GPC5: variants seen among roughly 807,000 people sequenced by gnomAD.
The protein encoded by GPC5 is glypican-5.
In GPC5, 47 loss-of-function variants were observed where a neutral mutation model predicts 53.9. The ratio of observed to expected loss-of-function variants is 0.87; its 90% confidence interval spans 0.69 to 1.11. The LOEUF (loss-of-function observed/expected upper bound fraction) is 1.11. Among genes scored for constraint, GPC5 ranks in the 50% most tolerant of loss-of-function variants. GPC5 has a pLI of 0.00. For missense variants in GPC5, 748 were observed against 713.1 expected, an observed-to-expected ratio of 1.05 and a Z score of -0.56; for synonymous variants, 286 against 263.3, an observed-to-expected ratio of 1.09 and a Z score of -0.84.
At chr13:91,429,695 A>C (rs1385408873) in intron 1 of GPC5, among the ~76,000 whole-genome samples, 1 of 152,244 alleles carries the variant, frequency 6.6e-6, no homozygotes, top group Non-Finnish European at 1.5e-5. Flanking sequence ...GGTGTGAGAC[A>C]GAGAAAAGGT....
chr13:91,728,769 CA>C (rs536559850), intron 4 of GPC5, 104 bp downstream of exon 4: 56,646 of 695,288 alleles, frequency 0.081, 23 homozygotes, highest in East Asian at 0.11. Flanking sequence ...TCAATATGGA[CA>C]AAAAAAAAAA....
intron 6 of GPC5, among the ~76,000 whole-genome samples, chr13:91,965,118 G>T (rs2040168456): frequency 6.6e-6 from 1 of 151,424 alleles, no homozygotes; most frequent in East Asian, 1.9e-4. Context: ...AGCATTAGGA[G>T]ATATACCTAA....
At position 91,552,961 on chromosome 13, in the gene GPC5, G is replaced by A. The variant is rs375779114; in HGVS notation, c.325+104039G>A. The stretch of plus-strand genomic sequence containing the variant: ...AAACCAGAATACATCTTAAAGTTGA[G>A]GCATGGTATTAAATTTAATGGTGCA... On this transcript the variant is annotated intron_variant, in intron 2 of 7. Coordinates refer to ENST00000377067, the MANE Select transcript of GPC5 (RefSeq NM_004466.6). 6.6e-5 allele frequency among the ~76,000 whole-genome samples: 10 copies of A among 152,114 alleles called. No homozygotes were observed. In the East Asian group the frequency reaches 9.7e-4, roughly 15 times the overall value.
chr13:91,693,378 C>G lies in GPC5; in HGVS notation c.517C>G (p.Leu173Val), dbSNP rs766400383. The G allele has an allele frequency of 3.1e-6, 5 of 1,614,086 alleles. No individual in the cohort carries two copies. The highest frequency in any genetic ancestry group is 4.2e-6 in the Non-Finnish European group (5 of 1,180,006). Residue 173 changes from leucine to valine, a missense_variant, in exon 3 of 8, where the codon CTG (leucine) becomes GTG (valine). Transcript: ENST00000377067. ...CAGATTTTTTGACAGTCTTTTTCCT[C>G]TGGTCTACAACCACCTCATTAACCC... The part of the protein sequence containing the change: ...VNRFFDSLFP[L>V]VYNHLINPGV...
At chr13:92,165,795 G>T (rs73622729) in intron 7 of GPC5, among the ~76,000 whole-genome samples, 7,766 of 152,172 alleles carry the variant, frequency 0.051, 474 homozygotes, top group African/African-American at 0.14. Flanking sequence ...TAGTATCCAG[G>T]CCTGTTCTGG....
intron 7 of GPC5, among the ~76,000 whole-genome samples, chr13:92,401,177 A>AT (rs76161192): frequency 0.062 from 8,747 of 140,658 alleles, 441 homozygotes; most frequent in East Asian, 0.13. Flanking sequence ...CTAGCCATCT[A>AT]TTTTTTTTTT....
chr13:92,331,680 G>A (rs1315589953), intron 7 of GPC5, among the ~76,000 whole-genome samples: 3 of 119,218 alleles, frequency 2.5e-5, no homozygotes, highest in Non-Finnish European at 3.5e-5. Flanking sequence ...AATATACATA[G>A]GGTTTTTTTT....
At chr13:92,049,530 A>G (rs908302885) in intron 6 of GPC5, among the ~76,000 whole-genome samples, 2 of 152,134 alleles carry the variant, frequency 1.3e-5, no homozygotes, top group Admixed American at 1.3e-4. Flanking sequence ...GCTTCTTTGC[A>G]TATTATCAAT....
chr13:92,593,730 T>C (rs889958523), intron 7 of GPC5, among the ~76,000 whole-genome samples: 5 of 152,052 alleles, frequency 3.3e-5, no homozygotes, highest in Admixed American at 1.3e-4. Flanking sequence ...ACCTGTATAG[T>C]GTATGTGTCT....
chr13:91,430,474 T>A lies in GPC5; in HGVS notation c.164-18287T>A, dbSNP rs148118318. The stretch of plus-strand genomic sequence containing the variant: ...TTTTCTGGGACTTCTGAGAGAAGTT[T>A]TTCTTCCTCTGTAAAGACTGGATTA... On this transcript the variant is annotated intron_variant, in intron 1 of 7. Transcript: ENST00000377067. 3.1e-3 allele frequency among the ~76,000 whole-genome samples: 475 copies of A among 152,280 alleles called. 8 individuals carry two copies. The highest frequency in any genetic ancestry group is 0.016 in the East Asian group (83 of 5,180).
intron 2 of GPC5, among the ~76,000 whole-genome samples, chr13:91,458,254 G>A (rs763297919): frequency 6.6e-6 from 1 of 152,052 alleles, no homozygotes; most frequent in Admixed American, 6.6e-5. Flanking sequence ...GGCATACGGA[G>A]GGTGATCGGA....
At chr13:92,218,821 G>C (rs921904827) in intron 7 of GPC5, among the ~76,000 whole-genome samples, 1 of 152,148 alleles carries the variant, frequency 6.6e-6, no homozygotes, top group African/African-American at 2.4e-5. Flanking sequence ...AAGAGTTGGA[G>C]GGCTTAATTA....
rs143099431 is a variant in GPC5 at position 91,912,683 on chromosome 13, G to A, written c.1401+4626G>A. The stretch of plus-strand genomic sequence containing the variant: ...GGCATATTATCCTATCATATGGAAA[G>A]ATTACAGTTTTACTTCACTCAGTCA... On this transcript the variant is annotated intron_variant, in intron 6 of 7. Coordinates refer to ENST00000377067, the MANE Select transcript of GPC5 (RefSeq NM_004466.6). Among the ~76,000 whole-genome samples, 19 of 152,208 alleles carry A rather than the reference G, an allele frequency of 1.2e-4. No individual in the cohort carries two copies. In the East Asian group the frequency reaches 3.7e-3, roughly 29 times the overall value.
chr13:92,760,316 C>G (rs868420405), intron 7 of GPC5, among the ~76,000 whole-genome samples: 1 of 152,022 alleles, frequency 6.6e-6, no homozygotes, highest in Non-Finnish European at 1.5e-5. Flanking sequence ...TGATTTTGTG[C>G]TTTTATCAAG....
intron 5 of GPC5, among the ~76,000 whole-genome samples, chr13:91,869,606 TTATC>T (rs1385133659): frequency 6.6e-6 from 1 of 152,176 alleles, no homozygotes; most frequent in Non-Finnish European, 1.5e-5. Context: ...TATGGCCTCT[TTATC>T]TAAACAATGA....
intron 7 of GPC5, among the ~76,000 whole-genome samples, chr13:92,287,020 A>G (rs1199912492): frequency 6.6e-6 from 1 of 152,116 alleles, no homozygotes; most frequent in African/African-American, 2.4e-5. Context: ...TGTCACCTTT[A>G]TCTTGGACTT....
intron 7 of GPC5, among the ~76,000 whole-genome samples, chr13:92,369,089 C>G (rs537541488): frequency 6.6e-6 from 1 of 152,322 alleles, no homozygotes; most frequent in African/African-American, 2.4e-5. Context: ...TCTATTCTCA[C>G]AAAGATTTCA....
chr13:91,406,931 T>G (rs1406700089), intron 1 of GPC5, among the ~76,000 whole-genome samples: 3 of 152,222 alleles, frequency 2.0e-5, no homozygotes, highest in African/African-American at 7.2e-5. Context: ...TTATTTCTAA[T>G]GGAAGGTAGG....
intron 2 of GPC5, among the ~76,000 whole-genome samples, chr13:91,641,866 C>A (rs1046264121): frequency 2.0e-5 from 3 of 152,142 alleles, no homozygotes; most frequent in Admixed American, 6.5e-5. Flanking sequence ...GGGCATGGAT[C>A]CCATTGAAGA....
Sources: gnomAD v4.1 joint callset for allele counts (sites outside exome capture counted in the v4.1 genomes callset) on GRCh38, gnomAD v4.1.1 for gene constraint, MANE v1.5 for transcripts, NCBI Gene and HGNC (gene_info 2026-07-23, HGNC 2026-07-21) for gene names.